ZMAT4: variants seen among roughly 807,000 people sequenced by gnomAD.
ZMAT4 encodes zinc finger matrin-type protein 4.
ZMAT4 carries 17 observed loss-of-function variants against 28.7 expected under a neutral mutation model. That is an observed-to-expected ratio of 0.59 (90% CI 0.41 to 0.89). The LOEUF (loss-of-function observed/expected upper bound fraction) is 0.89, where lower values mean the gene tolerates loss of function less well. ZMAT4 is among the 40% of genes least tolerant of loss of function. The pLI is 0.00. For synonymous variants in ZMAT4, 117 were observed against 109.2 expected (o/e 1.07, Z -0.44); for missense variants, 240 against 283.8 (o/e 0.85, Z 1.11).
intron 2 of ZMAT4, among the ~76,000 whole-genome samples, chr8:40,788,266 C>A (rs1194968266): frequency 6.6e-6 from 1 of 151,096 alleles, no homozygotes; most frequent in Non-Finnish European, 1.5e-5. Context: ...GAGCAAATTA[C>A]CTGAAAAAAC....
intron 6 of ZMAT4, among the ~76,000 whole-genome samples, chr8:40,536,420 C>A (rs867961845): frequency 6.6e-6 from 1 of 152,156 alleles, no homozygotes; most frequent in African/African-American, 2.4e-5. Flanking sequence ...TGTTGCAATG[C>A]CTCACTGGGT....
chr8:40,772,182 C>T (rs1004299977), intron 2 of ZMAT4, among the ~76,000 whole-genome samples: 2 of 152,130 alleles, frequency 1.3e-5, no homozygotes, highest in Non-Finnish European at 2.9e-5. Flanking sequence ...TTTAAGCTTC[C>T]CAGATCAACC....
intron 5 of ZMAT4, among the ~76,000 whole-genome samples, chr8:40,647,679 T>C (rs1458910160): frequency 6.6e-6 from 1 of 152,188 alleles, no homozygotes; most frequent in Non-Finnish European, 1.5e-5. Flanking sequence ...TGTCCCTGTC[T>C]GACAGCTTTG....
At chr8:40,829,011 C>T (rs1816179802) in intron 1 of ZMAT4, among the ~76,000 whole-genome samples, 1 of 151,998 alleles carries the variant, frequency 6.6e-6, no homozygotes, top group South Asian at 2.1e-4. Context: ...CCTGAGGAGC[C>T]CACGCGCTAC....
chr8:40,717,754 T>C (rs1246745078), intron 3 of ZMAT4, among the ~76,000 whole-genome samples: 1 of 152,188 alleles, frequency 6.6e-6, no homozygotes, highest in Non-Finnish European at 1.5e-5. Flanking sequence ...AAAAAATACA[T>C]AAACTTAAAA....
intron 5 of ZMAT4, among the ~76,000 whole-genome samples, chr8:40,617,314 C>T (rs1052621423): frequency 9.9e-5 from 15 of 152,160 alleles, no homozygotes; most frequent in Non-Finnish European, 1.5e-4. Context: ...ATACACATTT[C>T]GGGGTCCCTC....
At chr8:40,769,708 T>C (rs1002623161) in intron 2 of ZMAT4, among the ~76,000 whole-genome samples, 9 of 152,056 alleles carry the variant, frequency 5.9e-5, no homozygotes, top group African/African-American at 2.2e-4. Flanking sequence ...GCATTATCAA[T>C]CTCCTAAAGC....
chr8:40,802,401 A>G (rs892417109), intron 2 of ZMAT4, among the ~76,000 whole-genome samples: 2 of 152,186 alleles, frequency 1.3e-5, no homozygotes, highest in Non-Finnish European at 1.5e-5. Flanking sequence ...AGGCTAGTAT[A>G]TAAAAGTCTA....
chr8:40,695,047 G>T (rs935456545), intron 4 of ZMAT4, among the ~76,000 whole-genome samples: 10 of 152,158 alleles, frequency 6.6e-5, no homozygotes, highest in Non-Finnish European at 2.9e-5. Context: ...CTGTCCAACA[G>T]CATTAGATCG....
At chr8:40,890,701 G>A (rs1818637473) in intron 1 of ZMAT4, among the ~76,000 whole-genome samples, 1 of 152,080 alleles carries the variant, frequency 6.6e-6, no homozygotes, top group Non-Finnish European at 1.5e-5. Context: ...TGTGGCAGTG[G>A]CCCCTCCCTC....
chr8:40,622,323 G>T (rs1806230727), intron 5 of ZMAT4, among the ~76,000 whole-genome samples: 1 of 152,176 alleles, frequency 6.6e-6, no homozygotes, highest in Non-Finnish European at 1.5e-5. Context: ...AATGATACAG[G>T]AAAAGACCCT....
intron 6 of ZMAT4, among the ~76,000 whole-genome samples, chr8:40,539,456 T>A (rs1802956227): frequency 6.6e-6 from 1 of 152,224 alleles, no homozygotes; most frequent in South Asian, 2.1e-4. Context: ...CTCCTACTAT[T>A]CTTGTAATGT....
intron 1 of ZMAT4, among the ~76,000 whole-genome samples, chr8:40,859,535 C>T (rs903400326): frequency 6.6e-6 from 1 of 152,120 alleles, no homozygotes; most frequent in Admixed American, 6.5e-5. Flanking sequence ...GAATTACAGG[C>T]CCAGCTATTG....
intron 1 of ZMAT4, among the ~76,000 whole-genome samples, chr8:40,861,104 G>A (rs545766846): frequency 6.6e-6 from 1 of 152,198 alleles, no homozygotes; most frequent in Non-Finnish European, 1.5e-5. Flanking sequence ...CATATTAATA[G>A]TTCATGCTTC....
intron 2 of ZMAT4, among the ~76,000 whole-genome samples, chr8:40,792,325 A>G (rs1814364875): frequency 6.6e-6 from 1 of 151,458 alleles, no homozygotes; most frequent in Non-Finnish European, 1.5e-5. Context: ...ATAAATAGTT[A>G]TATATTCCCT....
intron 2 of ZMAT4, among the ~76,000 whole-genome samples, chr8:40,810,115 T>C (rs1815259836): frequency 2.6e-5 from 4 of 152,066 alleles, no homozygotes; most frequent in Admixed American, 2.6e-4. Context: ...CATACATATA[T>C]ATGTGTATAT....
chr8:40,709,083 A>C (rs1347705198), intron 3 of ZMAT4, among the ~76,000 whole-genome samples: 1 of 152,216 alleles, frequency 6.6e-6, no homozygotes, highest in Non-Finnish European at 1.5e-5. Flanking sequence ...CAAATGCTCA[A>C]GTCCTTGAAA....
At chr8:40,727,668 CA>C (rs1811368378) in intron 3 of ZMAT4, among the ~76,000 whole-genome samples, 1 of 152,010 alleles carries the variant, frequency 6.6e-6, no homozygotes, top group African/African-American at 2.4e-5. Flanking sequence ...AAGGTGTGTC[CA>C]ATTAGAGATG....
chr8:40,535,202 C>T (rs1802809144), intron 6 of ZMAT4, among the ~76,000 whole-genome samples: 1 of 152,152 alleles, frequency 6.6e-6, no homozygotes, highest in Non-Finnish European at 1.5e-5. Context: ...TGGCAGCCTT[C>T]TAGCACAAGC....
Sources: gnomAD v4.1 joint callset for allele counts (sites outside exome capture counted in the v4.1 genomes callset) on GRCh38, gnomAD v4.1.1 for gene constraint, MANE v1.5 for transcripts, NCBI Gene and HGNC (gene_info 2026-07-23, HGNC 2026-07-21) for gene names.